Variants in PLD5 observed in about 807,000 individuals in gnomAD.
The protein encoded by PLD5 is inactive phospholipase D5.
In PLD5, 36 loss-of-function variants were observed where a neutral mutation model predicts 61.1. The ratio of observed to expected loss-of-function variants is 0.59; its 90% CI spans 0.45 to 0.78. PLD5 has a LOEUF of 0.78. PLD5 is among the 30% of genes least tolerant of loss of function. The pLI is 0.00. For missense variants in PLD5, 515 were observed against 644.4 expected (o/e 0.80, Z 2.17); for synonymous variants, 243 against 242.8 (o/e 1.00, Z -0.01).
chr1:242,260,544 A>G (rs1574628067), intron 4 of PLD5, among the ~76,000 whole-genome samples: 1 of 152,160 alleles, frequency 6.6e-6, no homozygotes, highest in East Asian at 1.9e-4. Flanking sequence ...CTTACACTCC[A>G]CTTTCAGCTT....
chr1:242,358,323 T>G (rs964543758), intron 1 of PLD5, among the ~76,000 whole-genome samples: 1 of 152,086 alleles, frequency 6.6e-6, no homozygotes, highest in African/African-American at 2.4e-5. Context: ...ATCTTTGTGT[T>G]CCTGCATTGC....
At chr1:242,231,812 A>G (rs978223376) in intron 4 of PLD5, among the ~76,000 whole-genome samples, 11 of 152,198 alleles carry the variant, frequency 7.2e-5, no homozygotes, top group African/African-American at 2.7e-4. Context: ...TAATTTACTT[A>G]TAAGACAGAG....
intron 4 of PLD5, among the ~76,000 whole-genome samples, chr1:242,236,309 G>A (rs1340764941): frequency 6.6e-6 from 1 of 152,098 alleles, no homozygotes; most frequent in East Asian, 1.9e-4. Flanking sequence ...ACTGACAGTG[G>A]GTTAAAAGAA....
At chr1:242,195,466 C>T (rs114860124) in intron 5 of PLD5, among the ~76,000 whole-genome samples, 3,006 of 152,330 alleles carry the variant, frequency 0.02, 38 homozygotes, top group Middle Eastern at 0.095. Context: ...TTAACAATCT[C>T]GCTGTTTCTC....
At chr1:242,465,448 ACT>A (rs1667245767) in intron 1 of PLD5, among the ~76,000 whole-genome samples, 1 of 152,114 alleles carries the variant, frequency 6.6e-6, no homozygotes, top group Non-Finnish European at 1.5e-5. Context: ...TCTACTTGAA[ACT>A]CTGCAATGGC....
chr1:242,370,186 G>T (rs976280534), intron 1 of PLD5, among the ~76,000 whole-genome samples: 7 of 152,192 alleles, frequency 4.6e-5, no homozygotes, highest in African/African-American at 1.7e-4. Context: ...CACACCCAGG[G>T]CTAGGGTGGA....
chr1:242,213,238 C>T (rs898426796), intron 5 of PLD5, among the ~76,000 whole-genome samples: 7 of 152,142 alleles, frequency 4.6e-5, no homozygotes, highest in African/African-American at 9.7e-5. Flanking sequence ...GCCAGCTTGT[C>T]GATTTCATTG....
chr1:242,250,640 G>A (rs1391802222), intron 4 of PLD5, among the ~76,000 whole-genome samples: 2 of 152,150 alleles, frequency 1.3e-5, no homozygotes, highest in Non-Finnish European at 2.9e-5. Flanking sequence ...TGATGTACTA[G>A]TTATGTACTA....
intron 1 of PLD5, among the ~76,000 whole-genome samples, chr1:242,414,000 G>A (rs563138913): frequency 6.6e-6 from 1 of 152,190 alleles, no homozygotes; most frequent in South Asian, 2.1e-4. Flanking sequence ...AACTCCCTTT[G>A]GTAGCTGTGA....
At chr1:242,333,755 G>T (rs1360268385) in intron 2 of PLD5, among the ~76,000 whole-genome samples, 1 of 152,008 alleles carries the variant, frequency 6.6e-6, no homozygotes, top group Non-Finnish European at 1.5e-5. Context: ...TACGATATTT[G>T]TCTCCCTGTG....
chr1:242,116,158 T>C (rs1349074082), intron 6 of PLD5, among the ~76,000 whole-genome samples: 3 of 152,138 alleles, frequency 2.0e-5, no homozygotes, highest in Non-Finnish European at 2.9e-5. Context: ...GAATGAATGG[T>C]AGTATTGGGC....
intron 5 of PLD5, among the ~76,000 whole-genome samples, chr1:242,125,847 A>G (rs1353835501): frequency 6.6e-6 from 1 of 152,108 alleles, no homozygotes; most frequent in Non-Finnish European, 1.5e-5. Context: ...AGATCTTTCC[A>G]TGTTCCTCTG....
intron 1 of PLD5, among the ~76,000 whole-genome samples, chr1:242,436,173 A>C (rs1665988857): frequency 6.6e-6 from 1 of 152,058 alleles, no homozygotes; most frequent in African/African-American, 2.4e-5. Flanking sequence ...TCCTTCAGAC[A>C]CTCAAATGCA....
intron 1 of PLD5, among the ~76,000 whole-genome samples, chr1:242,378,487 A>T (rs891516909): frequency 4.6e-5 from 7 of 152,210 alleles, no homozygotes; most frequent in African/African-American, 1.7e-4. Flanking sequence ...TGAACTGTAC[A>T]CTTAAAATGG....
At chr1:242,527,149 G>A (rs1422188454), upstream of PLD5, among the ~76,000 whole-genome samples, 1 of 35,522 alleles carries the variant, frequency 2.8e-5, no homozygotes, top group Non-Finnish European at 6.0e-5. Flanking sequence ...TTTTTTTTTT[G>A]AGATGGAGTC....
chr1:242,382,169 T>G (rs1044663827), intron 1 of PLD5, among the ~76,000 whole-genome samples: 1 of 147,336 alleles, frequency 6.8e-6, no homozygotes, highest in African/African-American at 2.5e-5. Context: ...TAGAAGAGGT[T>G]TGGAATGAGG....
At chr1:242,461,466 C>T (rs909949756) in intron 1 of PLD5, among the ~76,000 whole-genome samples, 7 of 152,142 alleles carry the variant, frequency 4.6e-5, no homozygotes, top group African/African-American at 1.7e-4. Context: ...TTTCAAATAC[C>T]ACATTGCCTT....
chr1:242,165,694 A>T (rs946878983), intron 5 of PLD5, among the ~76,000 whole-genome samples: 1 of 152,174 alleles, frequency 6.6e-6, no homozygotes, highest in African/African-American at 2.4e-5. Context: ...TAACTTTCTC[A>T]TACCAAAAGC....
At chr1:242,208,593 G>T (rs1669593210) in intron 5 of PLD5, among the ~76,000 whole-genome samples, 1 of 152,152 alleles carries the variant, frequency 6.6e-6, no homozygotes, top group Non-Finnish European at 1.5e-5. Context: ...AGATGCATCA[G>T]TGATTCCAGA....
Sources: allele counts gnomAD v4.1 joint callset (sites outside exome capture counted in the v4.1 genomes callset), GRCh38; gene constraint gnomAD v4.1.1; transcripts MANE v1.5; gene names NCBI Gene and HGNC (gene_info 2026-07-23, HGNC 2026-07-21).